Variants in SATB2 observed in about 807,000 individuals in gnomAD.
The protein encoded by SATB2 is SATB homeobox 2.
A neutral mutation model predicts 73.4 loss-of-function variants in SATB2; 1 was observed. The observed-to-expected ratio is 0.01, with a 90% CI of 0.00 to 0.06. The LOEUF (loss-of-function observed/expected upper bound fraction) is 0.06, where lower values mean the gene tolerates loss of function less well. Among genes scored for constraint, SATB2 ranks in the 10% least tolerant of loss-of-function variants. SATB2 has a pLI of 1.00. For missense variants in SATB2, 459 were observed against 945.8 expected (o/e 0.49, Z 6.75); for synonymous variants, 397 against 367.0 (o/e 1.08, Z -0.93).
chr2:199,302,558 G>A (rs919902330), intron 10 of SATB2, among the ~76,000 whole-genome samples: 1 of 152,118 alleles, frequency 6.6e-6, no homozygotes, highest in African/African-American at 2.4e-5. Flanking sequence ...TATTACAAAT[G>A]CAAGTGTTCA....
chr2:199,377,287 G>A lies in SATB2; in HGVS notation c.597+3077C>T, dbSNP rs943924429. ...CCAGCTACTCAGAAGGCTGACGCGG[G>A]AGAATCGCTTGAACAGGGAGGCGGC... On this transcript the variant is annotated intron_variant, in intron 5 of 10. Coordinates refer to ENST00000417098, the MANE Select transcript of SATB2 (RefSeq NM_001172509.2). 3.9e-5 allele frequency among the ~76,000 whole-genome samples: 6 copies of A among 152,270 alleles called. 1 individual carries two copies. Among genetic ancestry groups the A allele is most frequent in the Non-Finnish European group, 8.8e-5 (6 of 68,018 alleles).
chr2:199,329,843 G>A (rs180824510), intron 7 of SATB2, among the ~76,000 whole-genome samples: 116 of 152,280 alleles, frequency 7.6e-4, no homozygotes, highest in African/African-American at 2.4e-3. Flanking sequence ...GGACATTGTC[G>A]TACTGGGGGT....
At chr2:199,341,456 T>C (rs1688504438) in intron 7 of SATB2, among the ~76,000 whole-genome samples, 1 of 152,206 alleles carries the variant, frequency 6.6e-6, no homozygotes, top group Non-Finnish European at 1.5e-5. Context: ...AGGACAGTTT[T>C]CATTTAAGTC....
At chr2:199,390,914 C>T (rs1476206678) in intron 3 of SATB2, among the ~76,000 whole-genome samples, 1 of 152,108 alleles carries the variant, frequency 6.6e-6, no homozygotes, top group Non-Finnish European at 1.5e-5. Context: ...AATACCTAAT[C>T]TTAGGGGCAA....
At position 199,269,961 on chromosome 2, in the gene SATB2, T is replaced by C. The variant is rs1014297861; in HGVS notation, c.*2250A>G. The C allele has an allele frequency of 2.0e-5, 3 of 152,766 alleles. No individual in the cohort carries two copies. The highest frequency in any genetic ancestry group is 6.5e-5 in the Admixed American group (1 of 15,270). The allele number at this position is 152,766 out of a possible 1,614,324, so 9.5% of individuals were successfully genotyped here. ...AAATTTTTGGTTGAAGTGTAAAAGA[T>C]ACCAAATGCGGATGCCATCGATAGA... On this transcript the variant is annotated 3_prime_UTR_variant, in exon 11 of 11. Transcript: ENST00000417098.
At chr2:199,392,981 G>A (rs1295187095) in intron 3 of SATB2, among the ~76,000 whole-genome samples, 3 of 151,956 alleles carry the variant, frequency 2.0e-5, no homozygotes, top group East Asian at 1.9e-4. Context: ...CTGCTAACAC[G>A]GCAAGTCATC....
At chr2:199,353,814 G>A (rs933884510) in intron 6 of SATB2, among the ~76,000 whole-genome samples, 3 of 151,984 alleles carry the variant, frequency 2.0e-5, no homozygotes, top group African/African-American at 4.8e-5. Flanking sequence ...CTGGTTTTGT[G>A]TTCTTGCTTT....
chr2:199,386,712 G>GCA (rs1689964177), intron 3 of SATB2, among the ~76,000 whole-genome samples: 3 of 67,656 alleles, frequency 4.4e-5, no homozygotes, highest in African/African-American at 2.3e-4. Context: ...GCGCGCGCGC[G>GCA]CGCGCACACA....
At chr2:199,400,615 A>G (rs1690442513) in intron 3 of SATB2, among the ~76,000 whole-genome samples, 1 of 152,252 alleles carries the variant, frequency 6.6e-6, no homozygotes, top group African/African-American at 2.4e-5. Flanking sequence ...CAATGATTAT[A>G]ATATCATGAA....
chr2:199,315,677 T>G (rs528370002), intron 9 of SATB2, among the ~76,000 whole-genome samples: 1 of 152,204 alleles, frequency 6.6e-6, no homozygotes, highest in Non-Finnish European at 1.5e-5. Context: ...TTTACAATAT[T>G]TCAGAACAAA....
chr2:199,390,850 T>C (rs1690109833), intron 3 of SATB2, among the ~76,000 whole-genome samples: 1 of 152,202 alleles, frequency 6.6e-6, no homozygotes, highest in African/African-American at 2.4e-5. Flanking sequence ...CCCAGTTATA[T>C]ATTCTAGAAT....
At chr2:199,433,733 T>G (rs1473328136) in intron 2 of SATB2, among the ~76,000 whole-genome samples, 2 of 152,060 alleles carry the variant, frequency 1.3e-5, no homozygotes, top group African/African-American at 2.4e-5. Context: ...AGCCCTTAGA[T>G]TCCCGTCATT....
upstream of SATB2, among the ~76,000 whole-genome samples, chr2:199,460,082 A>AG (rs892274724): frequency 1.3e-5 from 2 of 152,052 alleles, no homozygotes; most frequent in African/African-American, 4.8e-5. This position sits in a 1 kb window ranked among gnomAD's most constrained non-coding sequence, Gnocchi z 4.0. Flanking sequence ...AGCAATTCTT[A>AG]GGGGAGCCAC....
upstream of SATB2, among the ~76,000 whole-genome samples, chr2:199,469,177 A>G (rs1692654209): frequency 2.0e-5 from 3 of 152,184 alleles, no homozygotes. Flanking sequence ...AGAGCCCACT[A>G]CAGGCAAGGC....
At chr2:199,449,326 C>G (rs1273855946) in intron 2 of SATB2, among the ~76,000 whole-genome samples, 2 of 152,078 alleles carry the variant, frequency 1.3e-5, no homozygotes, top group South Asian at 2.1e-4. Context: ...TCTGATGTAG[C>G]CTTTCAGTGC....
chr2:199,338,324 T>C (rs1031300933), intron 7 of SATB2, among the ~76,000 whole-genome samples: 2 of 151,176 alleles, frequency 1.3e-5, no homozygotes, highest in Admixed American at 1.3e-4. Flanking sequence ...GCCAAGATCA[T>C]GCCACTGCAC....
intron 7 of SATB2, among the ~76,000 whole-genome samples, chr2:199,339,083 A>G (rs527759662): frequency 1.1e-3 from 162 of 152,286 alleles, no homozygotes; most frequent in Middle Eastern, 3.4e-3. Flanking sequence ...GGAGAGTTGC[A>G]TATGTTTGAC....
At chr2:199,411,409 A>G (rs1028686721) in intron 3 of SATB2, among the ~76,000 whole-genome samples, 35 of 152,154 alleles carry the variant, frequency 2.3e-4, no homozygotes, top group Non-Finnish European at 3.7e-4. Flanking sequence ...TTACCACTAA[A>G]TGACTATTGC....
upstream of SATB2, among the ~76,000 whole-genome samples, chr2:199,468,449 A>T (rs574948612): frequency 4.7e-4 from 71 of 152,216 alleles, no homozygotes; most frequent in South Asian, 5.4e-3. Context: ...ACCGCCTGGC[A>T]GGGCCTTCGC....
Sources: allele counts gnomAD v4.1 joint callset (sites outside exome capture counted in the v4.1 genomes callset), GRCh38; gene constraint gnomAD v4.1.1; non-coding constraint Gnocchi (gnomAD v3.1); transcripts MANE v1.5; gene names NCBI Gene and HGNC (gene_info 2026-07-23, HGNC 2026-07-21).